ACAD11: variants seen among roughly 807,000 people sequenced by gnomAD.
ACAD11 encodes acyl-Coenzyme A dehydrogenase family, member 11.
In ACAD11, 83 loss-of-function variants were observed where a neutral mutation model predicts 102.2. The observed-to-expected ratio is 0.81, with a 90% confidence interval of 0.68 to 0.97. ACAD11 has a LOEUF of 0.97. Among genes scored for constraint, ACAD11 ranks in the 50% least tolerant of loss-of-function variants. The probability of loss-of-function intolerance (pLI) is 0.00; values close to 1 mark genes in which losing one functional copy is unlikely to be tolerated. For missense variants in ACAD11, 901 were observed against 951.7 expected (o/e 0.95, Z 0.70); for synonymous variants, 324 against 319.8 (o/e 1.01, Z -0.14).
At chr3:132,632,545 T>C (rs1342415051) in intron 5 of ACAD11, among the ~76,000 whole-genome samples, 3 of 152,232 alleles carry the variant, frequency 2.0e-5, no homozygotes, top group Non-Finnish European at 2.9e-5. Context: ...GGCTTAGAAT[T>C]GACTTGGCAA....
intron 13 of ACAD11, among the ~76,000 whole-genome samples, chr3:132,594,282 T>C (rs1321707180): frequency 2.0e-5 from 3 of 152,072 alleles, no homozygotes; most frequent in Admixed American, 1.3e-4. Context: ...CTTATGGTTG[T>C]TGGGGGTGGG....
chr3:132,644,284 C>T (rs954086004), intron 2 of ACAD11, among the ~76,000 whole-genome samples: 1 of 152,128 alleles, frequency 6.6e-6, no homozygotes, highest in Admixed American at 6.5e-5. Context: ...CCTGTTTTCT[C>T]AAGACAGAAA....
Position 132,602,743 on chromosome 3 carries a change from T to C in ACAD11, c.1621+486A>G, listed in dbSNP as rs564262883. 4.6e-5 allele frequency among the ~76,000 whole-genome samples: 7 copies of C among 152,330 alleles called. No individual in the cohort carries two copies. In the South Asian group the frequency reaches 1.5e-3, roughly 32 times the overall value. On this transcript the variant is annotated intron_variant, in intron 13 of 19. Coordinates refer to ENST00000264990, the MANE Select transcript of ACAD11 (RefSeq NM_032169.5). ...CCAACATATGTTATTTTAAAATTACTTTTTCTTTCAACCACTATTTCTAAG... is the reference window on the plus strand; with the variant it reads ...CCAACATATGTTATTTTAAAATTACCTTTTCTTTCAACCACTATTTCTAAG...
chr3:132,581,293 A>T (rs1355115321), intron 13 of ACAD11, among the ~76,000 whole-genome samples: 1 of 152,084 alleles, frequency 6.6e-6, no homozygotes, highest in Non-Finnish European at 1.5e-5. Flanking sequence ...ATAAATACAT[A>T]TTCAGATATG....
At chr3:132,656,506 T>G (rs6786749) in intron 1 of ACAD11, among the ~76,000 whole-genome samples, 4,314 of 151,922 alleles carry the variant, frequency 0.028, 223 homozygotes, top group African/African-American at 0.099. Context: ...TTTTTTTTTT[T>G]TTTGAGACGG....
rs750879841 is a variant in ACAD11, at chr3:132,630,418, G to T, written c.963+19C>A. The stretch of plus-strand genomic sequence containing the variant: ...ACTGGTAAATAATGGCGAAACACAC[G>T]TTTAAAACAATTAATTACCTGTGCT... On this transcript the variant is annotated intron_variant, in intron 7 of 19. Transcript: ENST00000264990. 4 of 1,607,094 alleles carry T rather than the reference G, an allele frequency of 2.5e-6. No individual in the cohort carries two copies. Among genetic ancestry groups the T allele is most frequent in the Non-Finnish European group, 3.4e-6 (4 of 1,177,346 alleles).
At chr3:132,618,928 T>C in intron 10 of ACAD11, 156 bp from the exon 11 acceptor site, 1 of 559,126 alleles carries the variant, frequency 1.8e-6, no homozygotes, top group Non-Finnish European at 2.8e-6. Flanking sequence ...CAAAACCAAG[T>C]TCTTATTAAT....
At chr3:132,622,897 A>C (rs1381921876) in intron 9 of ACAD11, among the ~76,000 whole-genome samples, 1 of 152,222 alleles carries the variant, frequency 6.6e-6, no homozygotes, top group Admixed American at 6.5e-5. Flanking sequence ...GTCTACTAGA[A>C]AGAAGCAACA....
At chr3:132,581,419 G>A (rs1937595589) in intron 13 of ACAD11, among the ~76,000 whole-genome samples, 1 of 151,862 alleles carries the variant, frequency 6.6e-6, no homozygotes, top group Admixed American at 6.6e-5. Flanking sequence ...AAAAGATAAT[G>A]GATCCCAGGA....
At chr3:132,641,454 G>T (rs1559973543) in intron 4 of ACAD11, among the ~76,000 whole-genome samples, 1 of 152,082 alleles carries the variant, frequency 6.6e-6, no homozygotes, top group Admixed American at 6.5e-5. Context: ...TGAGGTAGGA[G>T]AATGGCGTGA....
intron 15 of ACAD11, chr3:132,578,538 C>G (rs1020081795): frequency 6.3e-6 from 1 of 158,898 alleles, no homozygotes; most frequent in Non-Finnish European, 1.4e-5. Flanking sequence ...TAAATACAAT[C>G]TGCCCTTTCC....
At chr3:132,646,178 G>A (rs953013935) in intron 1 of ACAD11, among the ~76,000 whole-genome samples, 2 of 152,050 alleles carry the variant, frequency 1.3e-5, no homozygotes, top group Non-Finnish European at 2.9e-5. Flanking sequence ...GGGTTTCACC[G>A]TGGTCTCGAT....
intron 13 of ACAD11, among the ~76,000 whole-genome samples, chr3:132,587,678 A>AT (rs1387938389): frequency 6.6e-6 from 1 of 151,936 alleles, no homozygotes; most frequent in African/African-American, 2.4e-5. Flanking sequence ...GGACATTGTG[A>AT]TTTTTTTGTT....
chr3:132,633,829 G>A (rs928660760), intron 5 of ACAD11, among the ~76,000 whole-genome samples: 19 of 152,218 alleles, frequency 1.2e-4, no homozygotes, highest in Admixed American at 7.2e-4. Flanking sequence ...TTTAATAAAT[G>A]GTGCTGGGAA....
chr3:132,574,607 G>A (rs999013866), intron 17 of ACAD11, among the ~76,000 whole-genome samples: 1 of 152,110 alleles, frequency 6.6e-6, no homozygotes, highest in Non-Finnish European at 1.5e-5. Flanking sequence ...TAAGGAGACC[G>A]ACATACTAAA....
chr3:132,612,200 T>C (rs1423613832), intron 11 of ACAD11, among the ~76,000 whole-genome samples: 99 of 151,968 alleles, frequency 6.5e-4, no homozygotes, highest in South Asian at 2.3e-3. Context: ...GGATCCCTTC[T>C]TTACACCTTA....
At chr3:132,637,789 C>T (rs1372237970) in intron 5 of ACAD11, among the ~76,000 whole-genome samples, 1 of 152,104 alleles carries the variant, frequency 6.6e-6, no homozygotes, top group African/African-American at 2.4e-5. Flanking sequence ...TTGCCATATC[C>T]TGTAGTTTCC....
chr3:132,596,435 AAAAAAGAG>A (rs1938311546), intron 13 of ACAD11, among the ~76,000 whole-genome samples: 1 of 152,110 alleles, frequency 6.6e-6, no homozygotes, highest in Non-Finnish European at 1.5e-5. Context: ...GTTTTTTTTT[AAAAAAGAG>A]AAAAATAGAA....
At chr3:132,605,240 G>T in intron 11 of ACAD11, 35 bp from the exon 12 acceptor site, 1 of 1,523,864 alleles carries the variant, frequency 6.6e-7, no homozygotes, top group South Asian at 1.2e-5. Context: ...TTTTGCATTT[G>T]AAAATTTATC....
Sources: gnomAD v4.1 joint callset for allele counts (sites outside exome capture counted in the v4.1 genomes callset) on GRCh38, gnomAD v4.1.1 for gene constraint, MANE v1.5 for transcripts, NCBI Gene and HGNC (gene_info 2026-07-23, HGNC 2026-07-21) for gene names.